The following PDGFD variants were observed in gnomAD, a reference collection of about 807,000 sequenced individuals.
The protein encoded by PDGFD is platelet derived growth factor D, also known as platelet-derived growth factor D.
In PDGFD, 30 loss-of-function variants were observed where a neutral mutation model predicts 44.7. The ratio of observed to expected loss-of-function variants is 0.67; its 90% CI spans 0.50 to 0.91. The LOEUF is 0.91. Among genes scored for constraint, PDGFD ranks in the 40% least tolerant of loss-of-function variants. PDGFD has a pLI of 0.00. For synonymous variants in PDGFD, 173 were observed against 168.4 expected (o/e 1.03, Z -0.21); for missense variants, 445 against 457.8 (o/e 0.97, Z 0.25).
chr11:104,060,116 C>T (rs758458142), intron 1 of PDGFD, among the ~76,000 whole-genome samples: 3 of 152,116 alleles, frequency 2.0e-5, no homozygotes, highest in Admixed American at 2.0e-4. Context: ...CTCAAAAGAC[C>T]GACTAATGGG....
rs191795470 is a variant in PDGFD at position 104,163,984 on chromosome 11, G to A, written c.-57C>T. The stretch of plus-strand genomic sequence containing the variant: ...CAAGAAAAAGCCGGGTTCTGCTCCC[G>A]GGACCGACGCCGCGCCGCCCTGCGC... On this transcript the variant is annotated 5_prime_UTR_variant, in exon 1 of 7. Coordinates refer to ENST00000393158, the MANE Select transcript of PDGFD (RefSeq NM_025208.5). The A allele has an allele frequency of 4.8e-6, 7 of 1,467,796 alleles. No individual in the cohort carries two copies. The highest frequency in any genetic ancestry group is 1.4e-5 in the African/African-American group (1 of 71,230). The allele number at this position is 1,467,796 out of a possible 1,614,324, so 90.9% of individuals were successfully genotyped here.
At chr11:104,029,940 C>T (rs1322795513) in intron 1 of PDGFD, among the ~76,000 whole-genome samples, 1 of 152,108 alleles carries the variant, frequency 6.6e-6, no homozygotes, top group African/African-American at 2.4e-5. Flanking sequence ...AATCTGACGT[C>T]CAAAAAGCTC....
At chr11:103,997,349 C>G (rs913968844) in intron 2 of PDGFD, among the ~76,000 whole-genome samples, 6 of 152,092 alleles carry the variant, frequency 3.9e-5, no homozygotes, top group African/African-American at 1.4e-4. Flanking sequence ...ATAGAGAAAC[C>G]AATATGGCCT....
At chr11:103,950,897 A>G (rs906465562) in intron 3 of PDGFD, among the ~76,000 whole-genome samples, 39 of 152,154 alleles carry the variant, frequency 2.6e-4, no homozygotes, top group African/African-American at 8.9e-4. Flanking sequence ...TCCTTAGTAA[A>G]TTCTGTGATT....
intron 1 of PDGFD, chr11:104,038,541 T>C (rs529568450): frequency 1.8e-5 from 3 of 169,106 alleles, no homozygotes; most frequent in Admixed American, 6.4e-5. Context: ...TACTTATACA[T>C]GTCTGTTTGG....
chr11:104,143,778 TCCAA>T (rs1591185021), intron 1 of PDGFD, among the ~76,000 whole-genome samples: 1 of 152,316 alleles, frequency 6.6e-6, no homozygotes, highest in East Asian at 1.9e-4. Context: ...GAAACTCACT[TCCAA>T]AGCACTGCTT....
intron 1 of PDGFD, among the ~76,000 whole-genome samples, chr11:104,060,033 G>A (rs1481241957): frequency 6.6e-6 from 1 of 152,184 alleles, no homozygotes; most frequent in African/African-American, 2.4e-5. Context: ...GTATTTGAAG[G>A]ACAATACACT....
chr11:103,911,944 GAAAC>G (rs1858035103), intron 6 of PDGFD, among the ~76,000 whole-genome samples: 1 of 135,416 alleles, frequency 7.4e-6, no homozygotes, highest in African/African-American at 2.8e-5. Flanking sequence ...AGAGTGAAAA[GAAAC>G]AAACAAAGCC....
Position 104,161,126 on chromosome 11 carries a change from G to A in PDGFD, c.124+2678C>T, listed in dbSNP as rs531591046. On this transcript the variant is annotated intron_variant, in intron 1 of 6. Transcript: ENST00000393158. Reference sequence around the variant, plus strand: ...AGCCTTCAAGTATGTCTATCATCAGGTAATGGTTTCTAAAACTCCTATTCA... The same window carrying A: ...AGCCTTCAAGTATGTCTATCATCAGATAATGGTTTCTAAAACTCCTATTCA... Among the ~76,000 whole-genome samples, 20 of 152,200 alleles carry A rather than the reference G, an allele frequency of 1.3e-4. No homozygotes were observed. The South Asian group carries it at 3.7e-3, about 28-fold the overall frequency.
At chr11:104,044,956 C>T (rs1218992651) in intron 1 of PDGFD, among the ~76,000 whole-genome samples, 2 of 151,962 alleles carry the variant, frequency 1.3e-5, no homozygotes, top group Non-Finnish European at 2.9e-5. Flanking sequence ...GAGAATGGCT[C>T]GAACCCGGGG....
At chr11:104,017,853 C>G (rs260848) in intron 1 of PDGFD, among the ~76,000 whole-genome samples, 31,021 of 152,028 alleles carry the variant, frequency 0.2, 3,562 homozygotes, top group African/African-American at 0.31. Flanking sequence ...AGAGCACCAT[C>G]GATAAGATCC....
chr11:104,096,723 A>G (rs1861294057), intron 1 of PDGFD, among the ~76,000 whole-genome samples: 1 of 152,186 alleles, frequency 6.6e-6, no homozygotes, highest in Admixed American at 6.6e-5. Flanking sequence ...TGGACAACAA[A>G]TCAGGGTATT....
At chr11:104,106,936 G>A (rs565901308) in intron 1 of PDGFD, among the ~76,000 whole-genome samples, 1 of 151,946 alleles carries the variant, frequency 6.6e-6, no homozygotes, top group East Asian at 2.0e-4. Flanking sequence ...TAGAGATGGG[G>A]GTTTCACCAT....
At chr11:103,944,552 A>C (rs1858641294) in intron 4 of PDGFD, among the ~76,000 whole-genome samples, 1 of 152,204 alleles carries the variant, frequency 6.6e-6, no homozygotes, top group Non-Finnish European at 1.5e-5. Flanking sequence ...AGAAACTACC[A>C]AACAAATAAG....
chr11:104,076,888 C>T (rs773490555), intron 1 of PDGFD, among the ~76,000 whole-genome samples: 17 of 152,188 alleles, frequency 1.1e-4, no homozygotes, highest in Non-Finnish European at 2.1e-4. Context: ...TTCTACTTAA[C>T]AATAGTAAAT....
chr11:104,156,626 C>A (rs1862311642), intron 1 of PDGFD, among the ~76,000 whole-genome samples: 1 of 151,978 alleles, frequency 6.6e-6, no homozygotes. Flanking sequence ...ACTGCACACC[C>A]CACAAATCAA....
chr11:104,082,129 C>CATATATATATATATATATATAT (rs1389312680), intron 1 of PDGFD, among the ~76,000 whole-genome samples: 2 of 61,248 alleles, frequency 3.3e-5, no homozygotes, highest in Non-Finnish European at 5.7e-5. Context: ...TGTCCATATA[C>CATATATATATATATATATATAT]ATACATACAT....
intron 3 of PDGFD, among the ~76,000 whole-genome samples, chr11:103,981,015 G>GAAGTATCTGGACATATTTCCGTAGAAAA (rs1859263693): frequency 2.0e-5 from 3 of 151,888 alleles, no homozygotes; most frequent in African/African-American, 7.3e-5. Flanking sequence ...CTAACCCTCT[G>GAAGTATCTGGACATATTTCCGTAGAAAA]CTATGTTTCG....
intron 5 of PDGFD, among the ~76,000 whole-genome samples, chr11:103,933,811 C>T (rs74603531): frequency 5.3e-5 from 8 of 152,152 alleles, no homozygotes; most frequent in Non-Finnish European, 1.2e-4. Context: ...AGCCACTGGA[C>T]GTAAGTAGAT....
Sources: allele counts gnomAD v4.1 joint callset (sites outside exome capture counted in the v4.1 genomes callset), GRCh38; gene constraint gnomAD v4.1.1; transcripts MANE v1.5; gene names NCBI Gene and HGNC (gene_info 2026-07-23, HGNC 2026-07-21).